XPR1: variants seen among roughly 807,000 people sequenced by gnomAD.
The protein encoded by XPR1 is solute carrier family 53 member 1.
A neutral mutation model predicts 87.5 loss-of-function variants in XPR1; 28 were observed. That is an observed-to-expected ratio of 0.32 (90% CI 0.24 to 0.44). The LOEUF (loss-of-function observed/expected upper bound fraction) is 0.44. Among genes scored for constraint, XPR1 ranks in the 20% least tolerant of loss-of-function variants. The pLI is 1.00. For missense variants in XPR1, 559 were observed against 862.3 expected, an observed-to-expected ratio of 0.65 and a Z score of 4.41; for synonymous variants, 300 against 306.1, an observed-to-expected ratio of 0.98 and a Z score of 0.21.
intron 2 of XPR1, among the ~76,000 whole-genome samples, chr1:180,729,026 G>A (rs1040958422): frequency 1.3e-5 from 2 of 152,098 alleles, no homozygotes; most frequent in Non-Finnish European, 1.5e-5. Context: ...CCCAGTGTTT[G>A]TTGTTTTCTT....
At chr1:180,879,160 T>C (rs1389723835) in intron 13 of XPR1, among the ~76,000 whole-genome samples, 2 of 152,228 alleles carry the variant, frequency 1.3e-5, no homozygotes, top group African/African-American at 4.8e-5. Context: ...CAGCTCCATC[T>C]TTATAAATAA....
At chr1:180,635,840 C>A (rs1376929507) in intron 1 of XPR1, among the ~76,000 whole-genome samples, 1 of 151,968 alleles carries the variant, frequency 6.6e-6, no homozygotes, top group Non-Finnish European at 1.5e-5. Context: ...GCTCACAACC[C>A]CCGTATTATT....
intron 2 of XPR1, among the ~76,000 whole-genome samples, chr1:180,763,242 G>A (rs1182714695): frequency 6.6e-6 from 1 of 152,214 alleles, no homozygotes; most frequent in South Asian, 2.1e-4. Flanking sequence ...TGGAAGGTTT[G>A]CAGAAGGAGT....
chr1:180,728,762 C>T (rs959866545), intron 2 of XPR1, among the ~76,000 whole-genome samples: 2 of 152,192 alleles, frequency 1.3e-5, no homozygotes, highest in African/African-American at 2.4e-5. Context: ...CAAATGGCCT[C>T]ATATCAGACT....
At chr1:180,783,641 A>T (rs1422840269) in intron 2 of XPR1, among the ~76,000 whole-genome samples, 1 of 151,936 alleles carries the variant, frequency 6.6e-6, no homozygotes, top group Non-Finnish European at 1.5e-5. Flanking sequence ...ATGTTTCTTG[A>T]TTTTTTATAC....
chr1:180,810,062 A>T (rs753432786), intron 6 of XPR1, among the ~76,000 whole-genome samples: 4 of 152,180 alleles, frequency 2.6e-5, no homozygotes, highest in Non-Finnish European at 4.4e-5. Context: ...TTCACAGCAA[A>T]TATTTAAGTC....
At chr1:180,705,096 C>T (rs1011185736) in intron 2 of XPR1, among the ~76,000 whole-genome samples, 3 of 151,772 alleles carry the variant, frequency 2.0e-5, no homozygotes, top group South Asian at 2.1e-4. Flanking sequence ...AGATAAACTG[C>T]GATGATTTTA....
chr1:180,762,824 G>A (rs1271900726), intron 2 of XPR1, among the ~76,000 whole-genome samples: 1 of 152,182 alleles, frequency 6.6e-6, no homozygotes, highest in African/African-American at 2.4e-5. Context: ...CTACTGGGAT[G>A]TACTAATACA....
rs184594849 is a variant in XPR1 at position 180,774,483 on chromosome 1, C to T, written c.122-13270C>T. Among the ~76,000 whole-genome samples, 291 of 149,880 alleles carry T rather than the reference C, an allele frequency of 1.9e-3. 1 individual carries two copies. Among genetic ancestry groups the T allele is most frequent in the African/African-American group, 6.7e-3 (271 of 40,700 alleles). ...TCGGCTCACTGCAAGCTCCGCCTCCCGGGTTCATGCCATTCTCCTGCCTCA... is the reference window on the plus strand; with the variant it reads ...TCGGCTCACTGCAAGCTCCGCCTCCTGGGTTCATGCCATTCTCCTGCCTCA... On this transcript the variant is annotated intron_variant, in intron 2 of 14. Coordinates refer to ENST00000367590, the MANE Select transcript of XPR1 (RefSeq NM_004736.4).
chr1:180,736,493 T>G (rs763540714), intron 2 of XPR1, among the ~76,000 whole-genome samples: 10 of 152,186 alleles, frequency 6.6e-5, no homozygotes, highest in Non-Finnish European at 1.3e-4. Context: ...TGCTCAGCAT[T>G]CCGTAGTTTG....
In XPR1 at chr1:180,841,795, T is replaced by TA. The variant is rs894506767; in HGVS notation, c.1501+5088dup. ...TATATATCTTAATCATATTGGTAAA[T>TA]AAAAAAAAACTCATAGTTGCTACAT... On this transcript the variant is annotated intron_variant, in intron 11 of 14. Coordinates refer to ENST00000367590, the MANE Select transcript of XPR1 (RefSeq NM_004736.4). 1.2e-3 allele frequency among the ~76,000 whole-genome samples: 181 copies of TA among 151,148 alleles called. 1 individual carries two copies. The highest frequency in any genetic ancestry group is 3.9e-3 in the African/African-American group (160 of 41,238).
intron 2 of XPR1, among the ~76,000 whole-genome samples, chr1:180,684,504 GT>G (rs547730914): frequency 0.053 from 8,127 of 152,234 alleles, 310 homozygotes; most frequent in Non-Finnish European, 0.079. Flanking sequence ...CTTTAAAGTA[GT>G]TTTTTCCAAT....
intron 2 of XPR1, among the ~76,000 whole-genome samples, chr1:180,714,741 A>T (rs2101989233): frequency 6.6e-6 from 1 of 151,590 alleles, no homozygotes; most frequent in Middle Eastern, 3.4e-3. Flanking sequence ...TTCGATTGTT[A>T]CTATTTTCTT....
At chr1:180,753,241 A>G (rs1647599538) in intron 2 of XPR1, among the ~76,000 whole-genome samples, 1 of 152,214 alleles carries the variant, frequency 6.6e-6, no homozygotes, top group Admixed American at 6.5e-5. Context: ...AGAGCAATTG[A>G]AAAGTACTTG....
intron 1 of XPR1, among the ~76,000 whole-genome samples, chr1:180,665,156 C>T (rs752768096): frequency 2.6e-5 from 4 of 152,250 alleles, no homozygotes; most frequent in Non-Finnish European, 4.4e-5. Context: ...GAGAAGTAAA[C>T]ACCTTTTTCA....
chr1:180,766,596 TA>T (rs960511648), intron 2 of XPR1, among the ~76,000 whole-genome samples: 16 of 151,232 alleles, frequency 1.1e-4, no homozygotes, highest in South Asian at 2.1e-4. Flanking sequence ...TTTCTAACAT[TA>T]AAAAAAAACC....
chr1:180,701,710 A>G (rs945560802), intron 2 of XPR1, among the ~76,000 whole-genome samples: 1 of 139,442 alleles, frequency 7.2e-6, no homozygotes, highest in Admixed American at 6.9e-5. Flanking sequence ...CGGCTTTGGT[A>G]TCAGAATGAT....
intron 11 of XPR1, among the ~76,000 whole-genome samples, chr1:180,853,617 T>TA: frequency 7.8e-6 from 1 of 127,636 alleles, no homozygotes; most frequent in East Asian, 2.3e-4. Context: ...ATTTTGTTAT[T>TA]AGACTATAGA....
chr1:180,884,082 G>A lies in XPR1; in HGVS notation c.*16G>A. 3 of 1,612,932 alleles carry A rather than the reference G, an allele frequency of 1.9e-6. No homozygotes were observed. The highest frequency in any genetic ancestry group is 2.5e-6 in the Non-Finnish European group (3 of 1,179,168). On this transcript the variant is annotated 3_prime_UTR_variant, in exon 15 of 15. Coordinates refer to ENST00000367590, the MANE Select transcript of XPR1 (RefSeq NM_004736.4). The stretch of plus-strand genomic sequence containing the variant: ...TAACACTTGAATTTTCTGAAGTCTA[G>A]CTTAACATCTTTGGTTTTCCTACTC...
Sources: allele counts gnomAD v4.1 joint callset (sites outside exome capture counted in the v4.1 genomes callset), GRCh38; gene constraint gnomAD v4.1.1; transcripts MANE v1.5; gene names NCBI Gene and HGNC (gene_info 2026-07-23, HGNC 2026-07-21).